CTNNA2: variants seen among roughly 807,000 people sequenced by gnomAD.
CTNNA2 encodes catenin alpha-2.
In CTNNA2, 42 loss-of-function variants were observed where a neutral mutation model predicts 101.0. The ratio of observed to expected loss-of-function variants is 0.42; its 90% CI spans 0.32 to 0.54. The LOEUF (loss-of-function observed/expected upper bound fraction) is 0.54, where lower values mean the gene tolerates loss of function less well. CTNNA2 is among the 20% of genes least tolerant of loss of function. The pLI, the probability that CTNNA2 is intolerant of heterozygous loss-of-function variation, is 0.14. For synonymous variants in CTNNA2, 450 were observed against 456.4 expected (o/e 0.99, Z 0.18); for missense variants, 871 against 1,223.1 (o/e 0.71, Z 4.29).
intron 3 of CTNNA2, among the ~76,000 whole-genome samples, chr2:79,339,418 T>A (rs764707648): frequency 1.3e-5 from 2 of 152,162 alleles, no homozygotes; most frequent in Non-Finnish European, 2.9e-5. Flanking sequence ...AAGTGCCTGA[T>A]ATACATATTA....
chr2:80,028,221 T>C (rs1051562200), intron 7 of CTNNA2: 1 of 152,100 alleles, frequency 6.6e-6, no homozygotes, highest in Non-Finnish European at 1.5e-5. Context: ...TCTGGGAAGT[T>C]AGTCTTTTTT....
chr2:80,350,580 A>G (rs976185362), intron 7 of CTNNA2, among the ~76,000 whole-genome samples: 1 of 152,130 alleles, frequency 6.6e-6, no homozygotes, highest in Non-Finnish European at 1.5e-5. Flanking sequence ...CCTTGAATGA[A>G]CCTCTCCAAG....
At chr2:79,820,837 T>C (rs2974175) in intron 3 of CTNNA2, among the ~76,000 whole-genome samples, 19,652 of 152,172 alleles carry the variant, frequency 0.13, 1,599 homozygotes, top group East Asian at 0.37. Flanking sequence ...TCACATTCAA[T>C]ATTTACCTCA....
At chr2:79,955,882 C>G (rs1689188853) in intron 7 of CTNNA2, among the ~76,000 whole-genome samples, 1 of 152,124 alleles carries the variant, frequency 6.6e-6, no homozygotes, top group Admixed American at 6.5e-5. Flanking sequence ...CTGCTAGGAG[C>G]CGATGAGTAT....
At chr2:79,199,559 G>GT (rs1486832415) in intron 2 of CTNNA2, among the ~76,000 whole-genome samples, 7 of 152,008 alleles carry the variant, frequency 4.6e-5, no homozygotes, top group Admixed American at 4.6e-4. Flanking sequence ...ATATAGTGTA[G>GT]TTACTAGAAT....
In CTNNA2 at chr2:80,302,679, G is replaced by A. The variant is rs763780491; in HGVS notation, c.1057-90532G>A. On this transcript the variant is annotated intron_variant, in intron 7 of 18. Coordinates refer to ENST00000402739, the MANE Select transcript of CTNNA2 (RefSeq NM_001282597.3). The surrounding 1 kb of genome is among the most constrained non-coding windows in gnomAD (Gnocchi z 6.4). ...CTGGCAGGGGGCCCCAGATCACTGC[G>A]GTTGGTGACGGCCGAGAGCAGGTGG... The A allele has an allele frequency of 6.8e-6, 11 of 1,612,080 alleles. No homozygotes were observed. Among genetic ancestry groups the A allele is most frequent in the South Asian group, 1.1e-5 (1 of 91,026 alleles).
At chr2:80,299,109 G>A (rs985618677) in intron 7 of CTNNA2, 2 of 152,106 alleles carry the variant, frequency 1.3e-5, no homozygotes, top group African/African-American at 2.4e-5. Flanking sequence ...TGCCCAGGAC[G>A]AGACGTGAAT....
chr2:79,492,838 A>C (rs1488611851), intron 4 of CTNNA2, among the ~76,000 whole-genome samples: 2 of 152,308 alleles, frequency 1.3e-5, no homozygotes, highest in Admixed American at 6.5e-5. Flanking sequence ...TGAGTCTAGT[A>C]ACATATAAAA....
At chr2:80,302,000 G>A in intron 7 of CTNNA2, 1 of 424,632 alleles carries the variant, frequency 2.4e-6, no homozygotes, top group East Asian at 3.8e-5. Flanking sequence ...GGAGGAAGGA[G>A]TTCTCATATG....
chr2:79,578,738 G>C (rs1675955157), intron 1 of CTNNA2, among the ~76,000 whole-genome samples: 1 of 152,066 alleles, frequency 6.6e-6, no homozygotes, highest in South Asian at 2.1e-4. Context: ...CTGTTTGACA[G>C]TCTCCAAGTC....
Position 80,334,216 on chromosome 2 carries a change from T to G in CTNNA2, c.1057-58995T>G, listed in dbSNP as rs541781938. Among the ~76,000 whole-genome samples the G allele has an allele frequency of 8.5e-5, 13 of 152,362 alleles. No individual in the cohort carries two copies. In the East Asian group the frequency reaches 2.5e-3, roughly 29 times the overall value. On this transcript the variant is annotated intron_variant, in intron 7 of 18. Transcript: ENST00000402739. The stretch of plus-strand genomic sequence containing the variant: ...TGGATCTCAGCTAAAGCAATGGATC[T>G]TTCTCGTCCACTCTTGCATCTGTTC...
chr2:79,589,492 C>T (rs1053920832), intron 1 of CTNNA2, among the ~76,000 whole-genome samples: 3 of 151,720 alleles, frequency 2.0e-5, no homozygotes, highest in African/African-American at 7.3e-5. Flanking sequence ...ATTCATTAGC[C>T]TCCATTGCCA....
intron 7 of CTNNA2, among the ~76,000 whole-genome samples, chr2:80,036,018 A>G (rs1695623993): frequency 1.3e-5 from 2 of 152,234 alleles, no homozygotes; most frequent in African/African-American, 4.8e-5. Context: ...TCAGTCCCAC[A>G]TGACGGTCTC....
chr2:80,594,444 C>A (rs1307008083), intron 15 of CTNNA2, among the ~76,000 whole-genome samples: 1 of 151,992 alleles, frequency 6.6e-6, no homozygotes, highest in African/African-American at 2.4e-5. Flanking sequence ...TATTTTCTCT[C>A]ATTTTATTGG....
chr2:80,304,376 G>T (rs1676693997), intron 7 of CTNNA2: 1 of 152,676 alleles, frequency 6.5e-6, no homozygotes, highest in Non-Finnish European at 1.5e-5. Flanking sequence ...TCCCAACTAC[G>T]TGCCGGAGCC....
rs1324045848 is a variant in CTNNA2, at chr2:79,513,133, C to T, written c.-80C>T. ...CCTGCCGCCGCCTCTCCAGTCCCTT[C>T]TGTGATTACCACTCCAGCTGCTGGG... On this transcript the variant is annotated 5_prime_UTR_variant, in exon 1 of 19. Transcript: ENST00000402739. 1 of 152,588 alleles carries T rather than the reference C, an allele frequency of 6.6e-6. No individual in the cohort carries two copies. Among genetic ancestry groups the T allele is most frequent in the Non-Finnish European group, 1.5e-5 (1 of 68,370 alleles). The allele number at this position is 152,588 out of a possible 1,614,324, so 9.5% of individuals were successfully genotyped here.
Position 79,942,637 on chromosome 2 carries a change from T to C in CTNNA2, c.1056+32840T>C, listed in dbSNP as rs547722070. On this transcript the variant is annotated intron_variant, in intron 7 of 18. Transcript: ENST00000402739. ...TGATAATGTCTACCATTTATTGTTCTTATACACTAAAGGACAACTTACCCA... is the reference window on the plus strand; with the variant it reads ...TGATAATGTCTACCATTTATTGTTCCTATACACTAAAGGACAACTTACCCA... Among the ~76,000 whole-genome samples the C allele has an allele frequency of 5.9e-5, 9 of 152,244 alleles. No individual in the cohort carries two copies. In the East Asian group the frequency reaches 1.5e-3, roughly 26 times the overall value.
intron 7 of CTNNA2, among the ~76,000 whole-genome samples, chr2:79,954,671 C>G (rs1003508461): frequency 2.0e-5 from 3 of 152,166 alleles, no homozygotes; most frequent in African/African-American, 7.2e-5. Context: ...ATCTGTGAGT[C>G]AACTACACTG....
At chr2:79,583,190 A>G (rs955349914) in intron 1 of CTNNA2, among the ~76,000 whole-genome samples, 2 of 151,438 alleles carry the variant, frequency 1.3e-5, no homozygotes, top group African/African-American at 4.8e-5. Flanking sequence ...GATTATAAAT[A>G]AATCTGATAT....
Sources: allele counts gnomAD v4.1 joint callset (sites outside exome capture counted in the v4.1 genomes callset), GRCh38; gene constraint gnomAD v4.1.1; non-coding constraint Gnocchi (gnomAD v3.1); transcripts MANE v1.5; gene names NCBI Gene and HGNC (gene_info 2026-07-23, HGNC 2026-07-21).